The following RUNX1 variants were observed in gnomAD, a reference collection of about 807,000 sequenced individuals.
RUNX1 encodes the protein RUNX family transcription factor 1, also known as runt-related transcription factor 1.
A neutral mutation model predicts 42.8 loss-of-function variants in RUNX1; 19 were observed. The observed-to-expected ratio is 0.44, with a 90% CI of 0.31 to 0.65. The LOEUF is 0.65. Ranked by LOEUF, RUNX1 falls within the 30% of genes least tolerant of loss-of-function variation. The pLI is 0.07. For synonymous variants in RUNX1, 271 were observed against 289.4 expected, an observed-to-expected ratio of 0.94 and a Z score of 0.64; for missense variants, 528 against 672.0, an observed-to-expected ratio of 0.79 and a Z score of 2.37.
chr21:34,816,798 C>T (rs1157718822), intron 7 of RUNX1, among the ~76,000 whole-genome samples: 1 of 152,142 alleles, frequency 6.6e-6, no homozygotes, highest in Non-Finnish European at 1.5e-5. Flanking sequence ...AGATCTGCAG[C>T]ATTCACCCAC....
rs1569037137 is a variant in RUNX1 at position 34,834,497 on chromosome 21, G to C, written c.718C>G (p.Pro240Ala). 1.9e-6 allele frequency: 3 copies of C among 1,613,510 alleles called. No individual in the cohort carries two copies. The highest frequency in any genetic ancestry group is 2.5e-6 in the Non-Finnish European group (3 of 1,179,934). Reference sequence around the variant, plus strand: ...TTGGGCGTGGGGGCTGGGTGGTGTGGGCTGACCCTCATGGCTGTGCGCCGC... The same window carrying C: ...TTGGGCGTGGGGGCTGGGTGGTGTGCGCTGACCCTCATGGCTGTGCGCCGC... ...QLRRTAMRVS[P>A]HHPAPTPNPR... Residue 240 changes from proline to alanine, a missense_variant, in exon 7 of 9, where the codon CCA (proline) becomes GCA (alanine). Pro to Ala is a conservative substitution (Grantham distance 27, BLOSUM62 -1). Around this residue, in one of 3 missense-constraint regions of RUNX1, gnomAD observed 331 missense variants for 382.5 expected, o/e 0.87. Coordinates refer to ENST00000675419, the MANE Select transcript of RUNX1 (RefSeq NM_001754.5).
chr21:34,921,497 T>C (rs567574013), intron 2 of RUNX1, among the ~76,000 whole-genome samples: 1 of 152,370 alleles, frequency 6.6e-6, no homozygotes, highest in South Asian at 2.1e-4. Context: ...TTCCACTGTA[T>C]GTACAAACCA....
At position 34,843,959 on chromosome 21, in the gene RUNX1, G is replaced by C. The variant is rs952951883; in HGVS notation, c.614-9358C>G. On this transcript the variant is annotated intron_variant, in intron 6 of 8. Coordinates refer to ENST00000675419, the MANE Select transcript of RUNX1 (RefSeq NM_001754.5). This position sits in a 1 kb window ranked among gnomAD's most constrained non-coding sequence, Gnocchi z 4.8. ...CTTGACCAGAGGTAGCCCTCTGTGG[G>C]GGAAGTGGAGGCAGTTTCTTAAGAA... Among the ~76,000 whole-genome samples the C allele has an allele frequency of 1.3e-4, 20 of 152,216 alleles. No homozygotes were observed. Among genetic ancestry groups the C allele is most frequent in the Non-Finnish European group, 8.8e-5 (6 of 68,030 alleles).
At chr21:34,915,053 C>T (rs1397078293) in intron 2 of RUNX1, among the ~76,000 whole-genome samples, 1 of 152,134 alleles carries the variant, frequency 6.6e-6, no homozygotes, top group African/African-American at 2.4e-5. Flanking sequence ...AACGATTCCT[C>T]CTTTACAGCA....
intron 2 of RUNX1, among the ~76,000 whole-genome samples, chr21:34,913,368 G>C (rs1342872018): frequency 1.3e-5 from 2 of 152,136 alleles, no homozygotes; most frequent in Admixed American, 6.6e-5. Flanking sequence ...TTCTGATGCG[G>C]GGCTGTTCAC....
intron 2 of RUNX1, among the ~76,000 whole-genome samples, chr21:35,021,749 G>A (rs755687118): frequency 4.6e-5 from 7 of 152,218 alleles, no homozygotes; most frequent in Non-Finnish European, 8.8e-5. Flanking sequence ...CCTGAGATCA[G>A]GACATAGCTG....
chr21:34,877,340 G>A (rs924182157), intron 5 of RUNX1, among the ~76,000 whole-genome samples: 2 of 152,008 alleles, frequency 1.3e-5, no homozygotes, highest in African/African-American at 4.8e-5. Flanking sequence ...AATTTTTTGG[G>A]GGTGTCATGG....
At chr21:34,895,122 T>C (rs189547843) in intron 2 of RUNX1, among the ~76,000 whole-genome samples, 127 of 152,218 alleles carry the variant, frequency 8.3e-4, no homozygotes, top group Middle Eastern at 3.4e-3. Flanking sequence ...CCTCATATCA[T>C]TAGGAGTCAG....
intron 2 of RUNX1, among the ~76,000 whole-genome samples, chr21:34,914,917 T>C (rs1028737529): frequency 6.6e-6 from 1 of 152,182 alleles, no homozygotes; most frequent in African/African-American, 2.4e-5. Flanking sequence ...AGCCAGGACA[T>C]GTGATGATGG....
At chr21:34,870,882 C>G (rs566231406) in intron 5 of RUNX1, among the ~76,000 whole-genome samples, 1 of 152,138 alleles carries the variant, frequency 6.6e-6, no homozygotes, top group African/African-American at 2.4e-5. Context: ...TGCTTGAACA[C>G]AGGAGGCGGA....
At chr21:34,865,585 C>G (rs774612202) in intron 5 of RUNX1, among the ~76,000 whole-genome samples, 10 of 152,166 alleles carry the variant, frequency 6.6e-5, no homozygotes, top group Non-Finnish European at 1.2e-4. Context: ...TCTTCCTGGA[C>G]ACTCGCTGCC....
At chr21:34,937,846 T>C (rs975098066) in intron 2 of RUNX1, among the ~76,000 whole-genome samples, 1 of 152,216 alleles carries the variant, frequency 6.6e-6, no homozygotes, top group Admixed American at 6.5e-5. Flanking sequence ...AGGTTGAGCT[T>C]TCTTTTTCTA....
At chr21:34,989,498 G>T (rs2058919902) in intron 2 of RUNX1, among the ~76,000 whole-genome samples, 1 of 152,124 alleles carries the variant, frequency 6.6e-6, no homozygotes, top group African/African-American at 2.4e-5. Context: ...ACTTTTGGAA[G>T]CCAGGGTCTT....
intron 3 of RUNX1, among the ~76,000 whole-genome samples, chr21:34,891,472 TC>T (rs2058080129): frequency 6.6e-6 from 1 of 151,826 alleles, no homozygotes; most frequent in Non-Finnish European, 1.5e-5. Flanking sequence ...AGGCAGGGGC[TC>T]CGGGGAAAGG....
chr21:34,897,354 C>G (rs1289833255), intron 2 of RUNX1, among the ~76,000 whole-genome samples: 1 of 152,198 alleles, frequency 6.6e-6, no homozygotes, highest in African/African-American at 2.4e-5. Context: ...AGATTAGTCT[C>G]CTGCACCATA....
chr21:34,891,781 G>C (rs889946796), intron 3 of RUNX1, among the ~76,000 whole-genome samples: 1 of 152,070 alleles, frequency 6.6e-6, no homozygotes, highest in Admixed American at 6.6e-5. Flanking sequence ...ATTTTGTTGC[G>C]GGGAGAGGGA....
At position 34,879,311 on chromosome 21, in the gene RUNX1, A is replaced by G. The variant is rs2057861828; in HGVS notation, c.508+1246T>C. 2.6e-5 allele frequency among the ~76,000 whole-genome samples: 4 copies of G among 152,292 alleles called. No individual in the cohort carries two copies. The South Asian group carries it at 8.3e-4, about 32-fold the overall frequency. On this transcript the variant is annotated intron_variant, in intron 5 of 8. Coordinates refer to ENST00000675419, the MANE Select transcript of RUNX1 (RefSeq NM_001754.5). ...ATTTTCTTTGCATTACCCTATTATT[A>G]ATATAGTACTATGAATATATATTTT...
At chr21:34,976,488 C>T (rs1159535735) in intron 2 of RUNX1, among the ~76,000 whole-genome samples, 1 of 152,184 alleles carries the variant, frequency 6.6e-6, no homozygotes, top group Admixed American at 6.5e-5. Context: ...TCCCTGAATA[C>T]TAATTTTCAT....
At position 35,048,912 on chromosome 21, in the gene RUNX1, A is replaced by C. The variant is rs924830963; in HGVS notation, c.-13T>G. ...TGTCTGAAGCCATCGCTTCCTCCTG[A>C]AAATGCACCCTCTTCTGAAGGCGGG... On this transcript the variant is annotated 5_prime_UTR_variant, in exon 2 of 9. Transcript: ENST00000675419. 4 of 1,613,106 alleles carry C rather than the reference A, an allele frequency of 2.5e-6. No homozygotes were observed. In the African/African-American group the frequency reaches 5.3e-5, roughly 22 times the overall value.
Sources: gnomAD v4.1 joint callset for allele counts (sites outside exome capture counted in the v4.1 genomes callset) on GRCh38, gnomAD v4.1.1 for gene constraint, gnomAD v4.1.1 regional missense constraint, Gnocchi (gnomAD v3.1) non-coding constraint, MANE v1.5 for transcripts, NCBI Gene and HGNC (gene_info 2026-07-23, HGNC 2026-07-21) for gene names.